TAFA1: variants seen among roughly 807,000 people sequenced by gnomAD.
The protein encoded by TAFA1 is chemokine-like protein TAFA-1.
In TAFA1, 4 loss-of-function variants were observed where a neutral mutation model predicts 18.5. The observed-to-expected ratio is 0.22, with a 90% CI of 0.11 to 0.49. TAFA1 has a LOEUF of 0.49. Among genes scored for constraint, TAFA1 ranks in the 20% least tolerant of loss-of-function variants. The pLI, the probability that TAFA1 is intolerant of heterozygous loss-of-function variation, is 0.98. For missense variants in TAFA1, 147 were observed against 169.0 expected, an observed-to-expected ratio of 0.87 and a Z score of 0.72; for synonymous variants, 56 against 55.2, an observed-to-expected ratio of 1.01 and a Z score of -0.06.
chr3:68,479,671 G>C (rs1290490269), intron 3 of TAFA1, among the ~76,000 whole-genome samples: 1 of 152,082 alleles, frequency 6.6e-6, no homozygotes. Context: ...AATCAGAAGG[G>C]CTATGTGAAT....
chr3:68,182,495 AGAAATGGGAATTAGAAATTATT>A (rs777851746), intron 2 of TAFA1, among the ~76,000 whole-genome samples: 7 of 152,300 alleles, frequency 4.6e-5, no homozygotes, highest in Non-Finnish European at 1.0e-4. Context: ...TCCAAATATC[AGAAATGGGAATTAGAAATTATT>A]GTACCAGGTT....
At chr3:68,145,365 T>A (rs2065726095) in intron 2 of TAFA1, 1 of 816,154 alleles carries the variant, frequency 1.2e-6, no homozygotes, top group Non-Finnish European at 2.2e-6. Flanking sequence ...TTTGCCCTGG[T>A]CTCTCAAGCA....
intron 2 of TAFA1, among the ~76,000 whole-genome samples, chr3:68,207,642 C>T (rs1433590614): frequency 2.0e-5 from 3 of 151,914 alleles, no homozygotes; most frequent in Admixed American, 1.3e-4. Context: ...TGAGCATTGA[C>T]ACACAGTTTG....
chr3:68,269,621 A>G (rs1046554059), intron 2 of TAFA1, among the ~76,000 whole-genome samples: 2 of 151,974 alleles, frequency 1.3e-5, no homozygotes, highest in African/African-American at 4.8e-5. Flanking sequence ...TTCCAGTGGG[A>G]TTAGAGATAA....
intron 2 of TAFA1, among the ~76,000 whole-genome samples, chr3:68,119,750 C>A (rs1465209801): frequency 4.6e-5 from 7 of 152,126 alleles, no homozygotes; most frequent in Non-Finnish European, 1.0e-4. Flanking sequence ...CATCTTTATG[C>A]CAGTACCACA....
intron 3 of TAFA1, among the ~76,000 whole-genome samples, chr3:68,530,073 C>G (rs904679089): frequency 6.6e-6 from 1 of 152,184 alleles, no homozygotes; most frequent in Non-Finnish European, 1.5e-5. Flanking sequence ...TCTAAACTGT[C>G]ATCTTTGAGG....
intron 2 of TAFA1, among the ~76,000 whole-genome samples, chr3:68,106,408 C>T (rs1311379894): frequency 6.6e-6 from 1 of 152,042 alleles, no homozygotes; most frequent in Non-Finnish European, 1.5e-5. Flanking sequence ...AATTGAGGAA[C>T]TAAAGTTTTA....
intron 2 of TAFA1, among the ~76,000 whole-genome samples, chr3:68,026,445 T>C (rs1166080560): frequency 6.6e-6 from 1 of 152,070 alleles, no homozygotes; most frequent in African/African-American, 2.4e-5. Flanking sequence ...GAGAGACTTT[T>C]CAGATTTAAA....
chr3:68,178,705 G>T (rs2066157656), intron 2 of TAFA1, among the ~76,000 whole-genome samples: 1 of 152,250 alleles, frequency 6.6e-6, no homozygotes, highest in African/African-American at 2.4e-5. Flanking sequence ...GGACCACAAG[G>T]AAGGTAAGGT....
chr3:68,072,602 T>C (rs2064770783), intron 2 of TAFA1, among the ~76,000 whole-genome samples: 2 of 152,154 alleles, frequency 1.3e-5, no homozygotes, highest in East Asian at 1.9e-4. Context: ...AGGCACGTCC[T>C]GATTTTAAAG....
intron 2 of TAFA1, among the ~76,000 whole-genome samples, chr3:68,205,919 G>A (rs1318865851): frequency 6.6e-6 from 1 of 151,732 alleles, no homozygotes; most frequent in East Asian, 2.0e-4. Flanking sequence ...AATACTCAGT[G>A]GTTATAATGC....
chr3:68,276,762 T>C (rs1442113880), intron 2 of TAFA1, among the ~76,000 whole-genome samples: 3 of 152,064 alleles, frequency 2.0e-5, no homozygotes, highest in Admixed American at 2.0e-4. Context: ...CTGTCTTGAG[T>C]TTTATCAGGA....
intron 2 of TAFA1, among the ~76,000 whole-genome samples, chr3:68,113,906 T>G (rs867867338): frequency 0.035 from 5,070 of 143,242 alleles, 279 homozygotes; most frequent in African/African-American, 0.12. Context: ...TGTTTTTTTT[T>G]TTTTTTTTTT....
In TAFA1 at chr3:68,501,363, A is replaced by G. The variant is rs193083961; in HGVS notation, c.260-37393A>G. 1.9e-3 allele frequency among the ~76,000 whole-genome samples: 289 copies of G among 152,236 alleles called. 8 individuals carry two copies. Among genetic ancestry groups the G allele is most frequent in the Non-Finnish European group, 2.6e-4 (18 of 68,014 alleles). ...TAACCGAGGCTTGACAGAATTTGTC[A>G]TCTCAAATCCTTTGAGGAAAAAAGC... On this transcript the variant is annotated intron_variant, in intron 3 of 4. Coordinates refer to ENST00000478136, the MANE Select transcript of TAFA1 (RefSeq NM_213609.4).
chr3:68,116,095 A>G (rs1163807928), intron 2 of TAFA1, among the ~76,000 whole-genome samples: 1 of 152,110 alleles, frequency 6.6e-6, no homozygotes, highest in Non-Finnish European at 1.5e-5. Flanking sequence ...TCTCTACTAA[A>G]AATACAAAAA....
intron 3 of TAFA1, among the ~76,000 whole-genome samples, chr3:68,502,000 T>A (rs1256348399): frequency 6.6e-6 from 1 of 152,094 alleles, no homozygotes; most frequent in African/African-American, 2.4e-5. Context: ...TCCAAACTAT[T>A]TGGGAGGTTA....
intron 2 of TAFA1, among the ~76,000 whole-genome samples, chr3:68,147,936 G>A (rs1036913349): frequency 5.9e-5 from 9 of 152,188 alleles, no homozygotes; most frequent in Non-Finnish European, 1.3e-4. Context: ...TGTTGTGAGA[G>A]AAAAATGTTG....
At chr3:68,388,503 G>A (rs971233501) in intron 2 of TAFA1, among the ~76,000 whole-genome samples, 8 of 151,724 alleles carry the variant, frequency 5.3e-5, no homozygotes, top group Non-Finnish European at 1.0e-4. Flanking sequence ...CATAGCTAAC[G>A]TTTGTCTCTG....
At position 68,135,693 on chromosome 3, in the gene TAFA1, T is replaced by G. The variant is rs182006911; in HGVS notation, c.118+128949T>G. On this transcript the variant is annotated intron_variant, in intron 2 of 4. Coordinates refer to ENST00000478136, the MANE Select transcript of TAFA1 (RefSeq NM_213609.4). ...TTTTTGTATGCTCAAAGTTGGAAGT[T>G]GATCCTTTAAGGATTAAACCATTTT... Among the ~76,000 whole-genome samples, 283 of 152,358 alleles carry G rather than the reference T, an allele frequency of 1.9e-3. 1 individual carries two copies. The highest frequency in any genetic ancestry group is 6.4e-3 in the African/African-American group (267 of 41,594).
Sources: gnomAD v4.1 joint callset for allele counts (sites outside exome capture counted in the v4.1 genomes callset) on GRCh38, gnomAD v4.1.1 for gene constraint, MANE v1.5 for transcripts, NCBI Gene and HGNC (gene_info 2026-07-23, HGNC 2026-07-21) for gene names.